Variants in MDGA2 observed in about 807,000 individuals in gnomAD.
MDGA2 encodes the protein MAM domain-containing glycosylphosphatidylinositol anchor protein 2.
Under a neutral mutation model 117.8 loss-of-function variants are expected in MDGA2, and 40 were observed. That is an observed-to-expected ratio of 0.34 (90% confidence interval 0.26 to 0.44). The LOEUF is 0.44. Among genes scored for constraint, MDGA2 ranks in the 20% least tolerant of loss-of-function variants. The probability of loss-of-function intolerance (pLI) is 1.00; values close to 1 mark genes in which losing one functional copy is unlikely to be tolerated. For synonymous variants in MDGA2, 452 were observed against 439.0 expected, an observed-to-expected ratio of 1.03 and a Z score of -0.37; for missense variants, 1,123 against 1,250.6, an observed-to-expected ratio of 0.90 and a Z score of 1.54.
rs558960100 is a variant in MDGA2 at position 47,190,025 on chromosome 14, T to C, written c.595+27996A>G. On this transcript the variant is annotated intron_variant, in intron 3 of 16. Coordinates refer to ENST00000399232, the MANE Select transcript of MDGA2 (RefSeq NM_001113498.3). ...TCTCATTTATCTGTCATTTTAGCTGTAGGGTAGTGGTAGCATCTTACAGAA... is the reference window on the plus strand; with the variant it reads ...TCTCATTTATCTGTCATTTTAGCTGCAGGGTAGTGGTAGCATCTTACAGAA... Among the ~76,000 whole-genome samples, 2 of 152,320 alleles carry C rather than the reference T, an allele frequency of 1.3e-5. 1 individual carries two copies. The highest frequency in any genetic ancestry group is 4.8e-5 in the African/African-American group (2 of 41,580).
At chr14:47,539,039 T>C (rs1192290378) in intron 1 of MDGA2, among the ~76,000 whole-genome samples, 3 of 152,174 alleles carry the variant, frequency 2.0e-5, no homozygotes, top group East Asian at 3.9e-4. Context: ...CAGACCAGAA[T>C]TGATCCACAT....
At chr14:47,292,039 G>T (rs1013090613) in intron 2 of MDGA2, among the ~76,000 whole-genome samples, 8 of 152,210 alleles carry the variant, frequency 5.3e-5, no homozygotes, top group African/African-American at 1.9e-4. Flanking sequence ...AGTGCCAGGG[G>T]TGTGATTTTG....
intron 1 of MDGA2, among the ~76,000 whole-genome samples, chr14:47,561,166 TTTTTGTTTGTTTG>T: frequency 1.8e-5 from 2 of 110,734 alleles, no homozygotes; most frequent in Middle Eastern, 4.1e-3. Flanking sequence ...TTGTTTTGTT[TTTTTGTTTGTTTG>T]TTTTTTTTTG....
At position 46,988,241 on chromosome 14, in the gene MDGA2, T is replaced by C. The variant is rs182612867; in HGVS notation, c.1820-30598A>G. 4.0e-5 allele frequency among the ~76,000 whole-genome samples: 6 copies of C among 151,810 alleles called. No individual in the cohort carries two copies. The East Asian group carries it at 9.7e-4, about 25-fold the overall frequency. On this transcript the variant is annotated intron_variant, in intron 8 of 16. Coordinates refer to ENST00000399232, the MANE Select transcript of MDGA2 (RefSeq NM_001113498.3). ...ATTCCATAAATTATGAAGAAGGAAA[T>C]AGAAAACTAGAGTCAAATAAAAAGA...
intron 10 of MDGA2, among the ~76,000 whole-genome samples, chr14:46,913,347 A>T (rs993417322): frequency 2.0e-5 from 3 of 152,148 alleles, no homozygotes; most frequent in African/African-American, 7.2e-5. Context: ...TTATACAAAG[A>T]ATCCAGATTA....
chr14:46,951,920 A>G (rs1885384301), intron 9 of MDGA2, among the ~76,000 whole-genome samples: 5 of 151,968 alleles, frequency 3.3e-5, no homozygotes, highest in Admixed American at 3.3e-4. Flanking sequence ...AGCACCATCA[A>G]TTTTATTATG....
At chr14:47,100,526 A>G (rs1880245854) in intron 5 of MDGA2, among the ~76,000 whole-genome samples, 1 of 152,110 alleles carries the variant, frequency 6.6e-6, no homozygotes. Flanking sequence ...TCACTGTTCT[A>G]AAAAACAATT....
At chr14:47,298,848 C>T (rs1196294939) in intron 2 of MDGA2, among the ~76,000 whole-genome samples, 1 of 151,888 alleles carries the variant, frequency 6.6e-6, no homozygotes, top group Non-Finnish European at 1.5e-5. Flanking sequence ...CCACGTCCGG[C>T]TAATTTTTTT....
chr14:47,133,284 T>C (rs1882298416), intron 4 of MDGA2, among the ~76,000 whole-genome samples: 1 of 151,922 alleles, frequency 6.6e-6, no homozygotes, highest in South Asian at 2.1e-4. Flanking sequence ...AGAATTCCCA[T>C]ACATGATATA....
chr14:46,864,153 G>A (rs1386995932), intron 14 of MDGA2, among the ~76,000 whole-genome samples: 1 of 150,802 alleles, frequency 6.6e-6, no homozygotes, highest in Non-Finnish European at 1.5e-5. Context: ...GGTGAGAGTG[G>A]TGGGAGGAGA....
chr14:46,886,883 T>C (rs929603127), intron 10 of MDGA2, among the ~76,000 whole-genome samples: 4 of 152,054 alleles, frequency 2.6e-5, no homozygotes, highest in Admixed American at 6.6e-5. Context: ...TGTGGTACTC[T>C]GTATTAGTGG....
chr14:46,956,061 C>A (rs1366174831), intron 9 of MDGA2, among the ~76,000 whole-genome samples: 1 of 152,056 alleles, frequency 6.6e-6, no homozygotes, highest in Non-Finnish European at 1.5e-5. Flanking sequence ...ATTAGACTAG[C>A]TAATATTACA....
intron 3 of MDGA2, among the ~76,000 whole-genome samples, chr14:47,164,935 G>GT (rs996636298): frequency 2.2e-4 from 34 of 152,260 alleles, no homozygotes; most frequent in African/African-American, 5.1e-4. Flanking sequence ...AAAATGATGA[G>GT]TTCCTGTCCT....
At chr14:47,107,967 T>A (rs140874678) in intron 5 of MDGA2, among the ~76,000 whole-genome samples, 17,286 of 142,148 alleles carry the variant, frequency 0.12, 1,211 homozygotes, top group Non-Finnish European at 0.15. Context: ...TTCCCACCTC[T>A]ATACAGTCTG....
At chr14:47,126,874 A>C (rs1881929625) in intron 5 of MDGA2, among the ~76,000 whole-genome samples, 1 of 152,090 alleles carries the variant, frequency 6.6e-6, no homozygotes, top group African/African-American at 2.4e-5. Context: ...CTTCTAGTAT[A>C]CATTGTTTCC....
intron 1 of MDGA2, among the ~76,000 whole-genome samples, chr14:47,374,581 T>C (rs1264693617): frequency 6.6e-6 from 1 of 152,078 alleles, no homozygotes; most frequent in Non-Finnish European, 1.5e-5. Flanking sequence ...TGCCAAACGC[T>C]GTTGTCATCA....
chr14:47,242,316 TC>T (rs2139608671), intron 2 of MDGA2, among the ~76,000 whole-genome samples: 1 of 152,010 alleles, frequency 6.6e-6, no homozygotes, highest in South Asian at 2.1e-4. Context: ...TCTCAGCACC[TC>T]CCCTGCCTGG....
intron 1 of MDGA2, among the ~76,000 whole-genome samples, chr14:47,416,185 C>T (rs1594846264): frequency 6.6e-6 from 1 of 152,068 alleles, no homozygotes; most frequent in Admixed American, 6.6e-5. Flanking sequence ...AGGTATACTT[C>T]ATCCTGAGGG....
chr14:47,485,396 G>A (rs1196464623), intron 1 of MDGA2, among the ~76,000 whole-genome samples: 2 of 152,138 alleles, frequency 1.3e-5, no homozygotes, highest in Admixed American at 1.3e-4. Flanking sequence ...GAGGTAACTT[G>A]ACTACTGTTA....
Sources: allele counts gnomAD v4.1 joint callset (sites outside exome capture counted in the v4.1 genomes callset), GRCh38; gene constraint gnomAD v4.1.1; transcripts MANE v1.5; gene names NCBI Gene and HGNC (gene_info 2026-07-23, HGNC 2026-07-21).